KDM4B: variants seen among roughly 807,000 people sequenced by gnomAD.
The protein encoded by KDM4B is lysine demethylase 4B, also known as lysine-specific demethylase 4B.
In KDM4B, 32 loss-of-function variants were observed where a neutral mutation model predicts 125.2. The ratio of observed to expected loss-of-function variants is 0.26; its 90% CI spans 0.19 to 0.34. The LOEUF (loss-of-function observed/expected upper bound fraction) is 0.34. KDM4B is among the 10% of genes least tolerant of loss of function. The probability of loss-of-function intolerance (pLI) is 1.00; values close to 1 mark genes in which losing one functional copy is unlikely to be tolerated. For synonymous variants in KDM4B, 721 were observed against 677.9 expected (o/e 1.06, Z -0.99); for missense variants, 1,190 against 1,577.7 (o/e 0.75, Z 4.16).
At chr19:5,093,766 G>A (rs558691298) in intron 9 of KDM4B, among the ~76,000 whole-genome samples, 11 of 152,326 alleles carry the variant, frequency 7.2e-5, no homozygotes, top group Non-Finnish European at 1.0e-4. Flanking sequence ...AGTGGTCACC[G>A]CGCAGGTCAC....
chr19:5,063,523 G>T (rs1292426412), intron 6 of KDM4B, among the ~76,000 whole-genome samples: 1 of 152,204 alleles, frequency 6.6e-6, no homozygotes, highest in Non-Finnish European at 1.5e-5. Context: ...TTCCAGAGAG[G>T]ACATCTGTGA....
At chr19:5,048,767 A>AG (rs2037123005) in intron 6 of KDM4B, among the ~76,000 whole-genome samples, 1 of 152,222 alleles carries the variant, frequency 6.6e-6, no homozygotes, top group South Asian at 2.1e-4. Flanking sequence ...GTGGCCTCCC[A>AG]GGGGTGCGTG....
intron 14 of KDM4B, 107 bp from the exon 15 acceptor site, chr19:5,135,232 C>A: frequency 4.2e-6 from 3 of 709,890 alleles, no homozygotes; most frequent in Admixed American, 2.5e-5. Context: ...CCCTCCAGAG[C>A]CAGGGGGTGT....
intron 10 of KDM4B, chr19:5,112,084 C>T (rs1031506815): frequency 9.0e-6 from 4 of 445,272 alleles, no homozygotes; most frequent in African/African-American, 7.9e-5. Context: ...GAGATGCCAT[C>T]TCTACAAAAA....
chr19:5,089,666 T>G (rs2038624746), intron 9 of KDM4B, among the ~76,000 whole-genome samples: 1 of 150,988 alleles, frequency 6.6e-6, no homozygotes. Context: ...AAATATGCAC[T>G]AACTTCTCAA....
In KDM4B at chr19:5,077,690, C is replaced by G. The variant is rs2038162516; in HGVS notation, c.780+220C>G. Reference sequence around the variant, plus strand: ...AGCTTGAATCTGGCGGGGTGTTAACCTCCCCTCCCAAACCAAACCAAAACT... The same window carrying G: ...AGCTTGAATCTGGCGGGGTGTTAACGTCCCCTCCCAAACCAAACCAAAACT... On this transcript the variant is annotated intron_variant, in intron 8 of 22. Coordinates refer to ENST00000159111, the MANE Select transcript of KDM4B (RefSeq NM_015015.3). 1.5e-5 allele frequency: 8 copies of G among 545,254 alleles called. No individual in the cohort carries two copies. In the East Asian group the frequency reaches 2.5e-4, roughly 17 times the overall value. 33.8% of individuals were successfully genotyped at this position (545,254 alleles called of 1,614,324 possible). A position where few individuals can be genotyped will look rare whatever the true frequency, so the allele number is the denominator to read the frequency against.
intron 11 of KDM4B, among the ~76,000 whole-genome samples, chr19:5,127,955 C>G (rs1480261065): frequency 1.0e-5 from 1 of 97,622 alleles, no homozygotes; most frequent in Non-Finnish European, 2.1e-5. Flanking sequence ...CACCTGTGGT[C>G]TCGTGAGGAC....
intron 2 of KDM4B, among the ~76,000 whole-genome samples, chr19:5,018,094 A>G (rs2035950297): frequency 6.6e-6 from 1 of 152,092 alleles, no homozygotes; most frequent in Non-Finnish European, 1.5e-5. Flanking sequence ...GCTGGAGTGC[A>G]GTGGTGTGAT....
chr19:5,052,201 A>G (rs2037249063), intron 6 of KDM4B, among the ~76,000 whole-genome samples: 1 of 152,092 alleles, frequency 6.6e-6, no homozygotes. Flanking sequence ...CCTCATGGGA[A>G]TTTCACAGCA....
intron 7 of KDM4B, 83 bp from the exon 8 acceptor site, chr19:5,077,284 G>A (rs1568280025): frequency 3.3e-6 from 4 of 1,194,528 alleles, no homozygotes; most frequent in Non-Finnish European, 4.8e-6. Flanking sequence ...GGAGGAAAGA[G>A]CCAGCCTGCC....
chr19:5,063,953 G>A (rs970873665), intron 6 of KDM4B, among the ~76,000 whole-genome samples: 2 of 152,208 alleles, frequency 1.3e-5, no homozygotes, highest in Admixed American at 1.3e-4. Flanking sequence ...TCGTGTGGAT[G>A]TGGGGCTGAG....
At chr19:4,984,811 G>A (rs1025714374) in intron 1 of KDM4B, among the ~76,000 whole-genome samples, 12 of 152,048 alleles carry the variant, frequency 7.9e-5, no homozygotes, top group Non-Finnish European at 1.5e-5. Context: ...CCCCCACTTC[G>A]CAGGGTACCA....
chr19:5,047,401 A>G, intron 5 of KDM4B, 75 bp from the exon 6 acceptor site: 1 of 1,403,044 alleles, frequency 7.1e-7, no homozygotes, highest in South Asian at 1.3e-5. Context: ...TCTGGGGAGA[A>G]TTAGCCTGCA....
intron 6 of KDM4B, among the ~76,000 whole-genome samples, chr19:5,069,492 T>C (rs2037879040): frequency 6.6e-6 from 1 of 151,844 alleles, no homozygotes; most frequent in Non-Finnish European, 1.5e-5. Context: ...GTATTTTTCG[T>C]AGAGGCGGGG....
intron 20 of KDM4B, 63 bp downstream of exon 20, chr19:5,144,475 T>A: frequency 4.6e-6 from 2 of 436,946 alleles, no homozygotes; most frequent in Non-Finnish European, 3.3e-6. Flanking sequence ...ACCTGTACCC[T>A]GAGAGCATCA....
At chr19:5,137,735 G>A (rs1312532427) in intron 17 of KDM4B, 59 bp downstream of exon 17, 1 of 1,472,684 alleles carries the variant, frequency 6.8e-7, no homozygotes, top group Non-Finnish European at 9.1e-7. Flanking sequence ...CTGGGCTGAG[G>A]CTCTGCAGGG....
At chr19:5,039,344 A>G (rs2036730099) in intron 3 of KDM4B, among the ~76,000 whole-genome samples, 1 of 151,986 alleles carries the variant, frequency 6.6e-6, no homozygotes, top group African/African-American at 2.4e-5. Flanking sequence ...GGTCCCCACT[A>G]CTCGGGAGGC....
chr19:5,119,395 T>A (rs1428871692), intron 10 of KDM4B, among the ~76,000 whole-genome samples: 1 of 151,872 alleles, frequency 6.6e-6, no homozygotes, highest in Non-Finnish European at 1.5e-5. Flanking sequence ...GTCATCAGCG[T>A]CCCCCGCTTG....
chr19:5,127,783 C>T (rs1017117121), intron 11 of KDM4B, among the ~76,000 whole-genome samples: 51 of 152,286 alleles, frequency 3.3e-4, no homozygotes, highest in Admixed American at 1.8e-3. Flanking sequence ...GCCTAGGGGA[C>T]GATGGTGGCC....
Sources: gnomAD v4.1 joint callset for allele counts (sites outside exome capture counted in the v4.1 genomes callset) on GRCh38, gnomAD v4.1.1 for gene constraint, MANE v1.5 for transcripts, NCBI Gene and HGNC (gene_info 2026-07-23, HGNC 2026-07-21) for gene names.